The following EPS15L1 variants were observed in gnomAD, a reference collection of about 807,000 sequenced individuals.
EPS15L1 encodes epidermal growth factor receptor pathway substrate 15 like 1, also known as epidermal growth factor receptor substrate 15-like 1.
Under a neutral mutation model 117.1 loss-of-function variants are expected in EPS15L1, and 43 were observed. The ratio of observed to expected loss-of-function variants is 0.37; its 90% CI spans 0.29 to 0.47. The LOEUF is 0.47. Ranked by LOEUF, EPS15L1 falls within the 20% of genes least tolerant of loss-of-function variation. The probability of loss-of-function intolerance (pLI) is 0.99; values close to 1 mark genes in which losing one functional copy is unlikely to be tolerated. For missense variants in EPS15L1, 981 were observed against 1,164.0 expected (o/e 0.84, Z 2.29); for synonymous variants, 459 against 470.5 (o/e 0.98, Z 0.32).
chr19:16,467,065 AT>A (rs531531375), intron 1 of EPS15L1, among the ~76,000 whole-genome samples: 4 of 152,214 alleles, frequency 2.6e-5, no homozygotes, highest in African/African-American at 9.6e-5. Context: ...CAGTGAAGGA[AT>A]ATCTGGGAAT....
intron 1 of EPS15L1, among the ~76,000 whole-genome samples, chr19:16,460,915 G>T (rs772874348): frequency 1.3e-5 from 2 of 152,148 alleles, no homozygotes. Context: ...AAGTTTTTTC[G>T]TGTTTCATCT....
intron 1 of EPS15L1, among the ~76,000 whole-genome samples, chr19:16,456,148 C>T (rs144915745): frequency 0.013 from 2,048 of 152,188 alleles, 41 homozygotes; most frequent in African/African-American, 0.046. Flanking sequence ...TGCAGCGAGC[C>T]GAGGTTGTGC....
At chr19:16,447,518 G>A (rs1233774544) in intron 1 of EPS15L1, among the ~76,000 whole-genome samples, 3 of 152,182 alleles carry the variant, frequency 2.0e-5, no homozygotes, top group South Asian at 2.1e-4. Context: ...CCAGCACTTA[G>A]GGAGGCCAAG....
chr19:16,425,976 C>T (rs968727804), intron 8 of EPS15L1, among the ~76,000 whole-genome samples: 2 of 152,204 alleles, frequency 1.3e-5, no homozygotes, highest in Non-Finnish European at 2.9e-5. Context: ...CATAATTAAT[C>T]TTGCCAGATT....
At chr19:16,375,466 ATGTGTGTGTGTG>A (rs3082716) in intron 22 of EPS15L1, among the ~76,000 whole-genome samples, 197 of 149,408 alleles carry the variant, frequency 1.3e-3, no homozygotes, top group African/African-American at 4.7e-3. Context: ...TTATGCATAT[ATGTGTGTGTGTG>A]TGTGTGTGTG....
At chr19:16,454,891 G>A (rs999737199) in intron 1 of EPS15L1, among the ~76,000 whole-genome samples, 1 of 151,822 alleles carries the variant, frequency 6.6e-6, no homozygotes, top group East Asian at 1.9e-4. Context: ...GCACTTTTGG[G>A]GGCTAAGGTG....
At chr19:16,414,444 A>T (rs2092737749) in intron 12 of EPS15L1, among the ~76,000 whole-genome samples, 1 of 151,850 alleles carries the variant, frequency 6.6e-6, no homozygotes, top group African/African-American at 2.4e-5. Flanking sequence ...TCTGTCACCC[A>T]GGCTGGAGTG....
At chr19:16,396,302 T>A (rs1237774780) in intron 16 of EPS15L1, among the ~76,000 whole-genome samples, 1 of 152,204 alleles carries the variant, frequency 6.6e-6, no homozygotes, top group Non-Finnish European at 1.5e-5. Context: ...CACTCTGTTG[T>A]CCAGGTTGGA....
intron 1 of EPS15L1, among the ~76,000 whole-genome samples, chr19:16,461,069 G>A (rs2093244642): frequency 6.6e-6 from 1 of 152,208 alleles, no homozygotes; most frequent in African/African-American, 2.4e-5. Flanking sequence ...ACTTTGGGAG[G>A]CCGAGGCGGG....
At position 16,421,366 on chromosome 19, in the gene EPS15L1, C is replaced by T. The variant is rs747251195; in HGVS notation, c.903G>A (p.Glu301=). 3 of 1,613,804 alleles carry T rather than the reference C, an allele frequency of 1.9e-6. No homozygotes were observed. Among genetic ancestry groups the T allele is most frequent in the South Asian group, 1.1e-5 (1 of 91,078 alleles). ...DGYVSGQEVK[E]IFMHSGLTQN... is the part of the protein sequence containing the mutation. ...GGGTGAGGCCCGAGTGCATGAAGAT[C>T]TCCTTCACCTCCTGGCCACTCACGT... The change falls in exon 10 of 24, where the codon GAG becomes GAA. Residue 301 remains glutamate (E), a synonymous_variant. Coordinates refer to ENST00000455140, the MANE Select transcript of EPS15L1 (RefSeq NM_001258374.3).
chr19:16,467,940 C>T (rs1009003793), intron 1 of EPS15L1, among the ~76,000 whole-genome samples: 5 of 152,032 alleles, frequency 3.3e-5, no homozygotes, highest in Admixed American at 2.6e-4. Context: ...TAAAAGCCTC[C>T]TAGAATGGAG....
chr19:16,429,098 T>C (rs938479281), intron 7 of EPS15L1, among the ~76,000 whole-genome samples: 1 of 152,104 alleles, frequency 6.6e-6, no homozygotes, highest in African/African-American at 2.4e-5. Context: ...AGTACAGGTG[T>C]TGCCCTAAAC....
chr19:16,401,216 G>T, intron 16 of EPS15L1: 2 of 985,528 alleles, frequency 2.0e-6, no homozygotes, highest in Non-Finnish European at 2.4e-6. Flanking sequence ...GCGGGGGCCA[G>T]ACACAAGAGA....
At chr19:16,417,519 TG>T in intron 12 of EPS15L1, 32 bp downstream of exon 12, 2 of 1,561,034 alleles carry the variant, frequency 1.3e-6, no homozygotes, top group Non-Finnish European at 1.8e-6. Flanking sequence ...GTGTAACATC[TG>T]GATGTGGAGG....
chr19:16,415,815 T>G (rs1454962104), intron 12 of EPS15L1, among the ~76,000 whole-genome samples: 1 of 152,214 alleles, frequency 6.6e-6, no homozygotes, highest in African/African-American at 2.4e-5. Flanking sequence ...CCCTGACCCT[T>G]GCACGACAGG....
At chr19:16,361,685 G>A in intron 23 of EPS15L1, 94 bp downstream of exon 23, 3 of 1,478,782 alleles carry the variant, frequency 2.0e-6, no homozygotes, top group Non-Finnish European at 2.7e-6. Context: ...GGCTAAAGAA[G>A]CTGGGAGGTT....
intron 1 of EPS15L1, among the ~76,000 whole-genome samples, chr19:16,459,261 C>A (rs1042729571): frequency 6.6e-6 from 1 of 152,134 alleles, no homozygotes; most frequent in African/African-American, 2.4e-5. Flanking sequence ...ACCCTAGGTT[C>A]CCCCAAATGA....
At chr19:16,433,290 G>A (rs969434507) in intron 7 of EPS15L1, among the ~76,000 whole-genome samples, 1 of 151,668 alleles carries the variant, frequency 6.6e-6, no homozygotes, top group African/African-American at 2.4e-5. Flanking sequence ...ACCACACCTG[G>A]CTAATTTTTG....
chr19:16,437,998 T>C (rs1237726809), intron 4 of EPS15L1, 133 bp from the exon 5 acceptor site: 2 of 659,744 alleles, frequency 3.0e-6, no homozygotes, highest in Non-Finnish European at 5.4e-6. Flanking sequence ...CAAAAACCCC[T>C]TGGAGCGTTG....
Sources: gnomAD v4.1 joint callset for allele counts (sites outside exome capture counted in the v4.1 genomes callset) on GRCh38, gnomAD v4.1.1 for gene constraint, MANE v1.5 for transcripts, NCBI Gene and HGNC (gene_info 2026-07-23, HGNC 2026-07-21) for gene names.